The following TNRC6C variants were observed in gnomAD, a reference collection of about 807,000 sequenced individuals.
The protein encoded by TNRC6C is trinucleotide repeat containing adaptor 6C.
Under a neutral mutation model 153.7 loss-of-function variants are expected in TNRC6C, and 20 were observed. The ratio of observed to expected loss-of-function variants is 0.13; its 90% CI spans 0.09 to 0.19. The LOEUF (loss-of-function observed/expected upper bound fraction) is 0.19, where lower values mean the gene tolerates loss of function less well. TNRC6C is among the 10% of genes least tolerant of loss of function. The pLI is 1.00. For missense variants in TNRC6C, 1,987 were observed against 2,172.0 expected (o/e 0.91, Z 1.69); for synonymous variants, 811 against 841.4 (o/e 0.96, Z 0.63).
At chr17:78,086,981 A>G (rs574720431) in exon 13 of TNRC6C, 2 of 1,613,824 alleles carry the variant, frequency 1.2e-6, no homozygotes. Flanking sequence ...ACCCCTCTGC[A>G]GGCAAATCGG....
At chr17:78,099,697 C>T (rs763603959) in intron 17 of TNRC6C, among the ~76,000 whole-genome samples, 5 of 152,170 alleles carry the variant, frequency 3.3e-5, no homozygotes, top group Non-Finnish European at 7.4e-5. Context: ...CCATATCATT[C>T]TGCCCCTGAC....
At chr17:78,038,938 G>A (rs1294589662) in intron 2 of TNRC6C, among the ~76,000 whole-genome samples, 1 of 151,928 alleles carries the variant, frequency 6.6e-6, no homozygotes, top group Non-Finnish European at 1.5e-5. Flanking sequence ...AAAAGGCGAC[G>A]CTGGTGTGCT....
At chr17:77,986,035 C>T (rs2071162028) in intron 1 of TNRC6C, among the ~76,000 whole-genome samples, 1 of 152,060 alleles carries the variant, frequency 6.6e-6, no homozygotes, top group Admixed American at 6.6e-5. Context: ...TCAGGCAATC[C>T]ACAGGATATT....
At chr17:78,106,213 C>T (rs1463488246) in exon 20 of TNRC6C, 1 of 150,924 alleles carries the variant, frequency 6.6e-6, no homozygotes, top group Non-Finnish European at 1.5e-5. Flanking sequence ...ACCTTTTTTT[C>T]TCCTTCAGAC....
In TNRC6C at chr17:78,050,769, C is replaced by T. The variant is rs773543557; in HGVS notation, c.1707C>T (p.Pro569=). 8.1e-6 allele frequency: 13 copies of T among 1,603,112 alleles called. No homozygotes were observed. In the South Asian group the frequency reaches 1.1e-4, roughly 14 times the overall value. The change falls in exon 3 of 20, where the codon CCC becomes CCT. Residue 569 remains proline (P), a synonymous_variant. Coordinates refer to ENST00000301624, the Ensembl canonical transcript of TNRC6C. The stretch of plus-strand genomic sequence containing the variant: ...CCGCAAATCAGGAGGACAAGTCACC[C>T]ACCTGGGGTGAGCCTCCAAAGCCCA...
intron 1 of TNRC6C, among the ~76,000 whole-genome samples, chr17:77,997,719 C>T (rs936632955): frequency 2.6e-5 from 4 of 151,880 alleles, no homozygotes; most frequent in African/African-American, 4.8e-5. Flanking sequence ...TGCAGTGGCG[C>T]GATCTCAGCT....
intron 1 of TNRC6C, among the ~76,000 whole-genome samples, chr17:78,025,406 A>G (rs2071921754): frequency 6.6e-6 from 1 of 152,172 alleles, no homozygotes; most frequent in Non-Finnish European, 1.5e-5. Context: ...TAGTTCCTCT[A>G]TGTTTTCATG....
chr17:78,007,091 C>G (rs749265019), intron 1 of TNRC6C, among the ~76,000 whole-genome samples: 4 of 152,024 alleles, frequency 2.6e-5, no homozygotes, highest in East Asian at 3.9e-4. Context: ...GATTCCCCCC[C>G]ACCTCGGCCT....
rs965491827 is a variant in TNRC6C, at chr17:78,058,018, T to G, written c.2395+6561T>G. ...TCATTCTGGAGATAAAACAACAGTA[T>G]TAGTCCAGAGAAATATCCCTGTGCC... On this transcript the variant is annotated intron_variant, in intron 3 of 19. Coordinates refer to ENST00000301624, the Ensembl canonical transcript of TNRC6C. Among the ~76,000 whole-genome samples, 11 of 152,182 alleles carry G rather than the reference T, an allele frequency of 7.2e-5. No individual in the cohort carries two copies. In the South Asian group the frequency reaches 8.3e-4, roughly 11 times the overall value.
intron 3 of TNRC6C, among the ~76,000 whole-genome samples, chr17:78,063,117 G>T (rs1273666597): frequency 6.6e-6 from 1 of 151,768 alleles, no homozygotes; most frequent in Non-Finnish European, 1.5e-5. Flanking sequence ...ATGTTGTTGC[G>T]TGCCTGTAGT....
intron 2 of TNRC6C, among the ~76,000 whole-genome samples, chr17:78,037,320 A>G (rs542405932): frequency 6.6e-6 from 1 of 152,340 alleles, no homozygotes; most frequent in South Asian, 2.1e-4. Flanking sequence ...TGAGCAGAAC[A>G]TTTGTTGAAT....
chr17:77,988,908 C>G (rs2071210684), intron 1 of TNRC6C, among the ~76,000 whole-genome samples: 1 of 152,150 alleles, frequency 6.6e-6, no homozygotes, highest in African/African-American at 2.4e-5. Flanking sequence ...CTGCCATTTT[C>G]TAAAATGTAA....
chr17:78,092,006 A>G (rs2073403069), intron 14 of TNRC6C, among the ~76,000 whole-genome samples: 1 of 152,184 alleles, frequency 6.6e-6, no homozygotes, highest in South Asian at 2.1e-4. Context: ...ACTAGGGTGC[A>G]TTTCTGTTGG....
chr17:78,072,928 G>C (rs2073023281), intron 6 of TNRC6C, 109 bp from the exon 9 acceptor site: 2 of 739,526 alleles, frequency 2.7e-6, no homozygotes, highest in East Asian at 2.8e-5. Flanking sequence ...TGTATTTCCA[G>C]TTCCAAAACC....
At chr17:78,083,207 A>T in intron 11 of TNRC6C, 41 bp downstream of exon 13, 1 of 1,611,172 alleles carries the variant, frequency 6.2e-7, no homozygotes, top group South Asian at 1.1e-5. Flanking sequence ...ACGCAGGCCG[A>T]GTGCAGATGC....
intron 16 of TNRC6C, among the ~76,000 whole-genome samples, chr17:78,096,470 T>C (rs2073488533): frequency 6.6e-6 from 1 of 151,742 alleles, no homozygotes; most frequent in East Asian, 1.9e-4. Flanking sequence ...AAATGTTAAC[T>C]TGCCTCAGCT....
At position 78,049,759 on chromosome 17, in the gene TNRC6C, G is replaced by C. The variant is rs1464262654; in HGVS notation, c.697G>C (p.Val233Leu). 1.5e-5 allele frequency: 24 copies of C among 1,589,540 alleles called. No homozygotes were observed. The highest frequency in any genetic ancestry group is 4.0e-5 in the African/African-American group (3 of 74,550). The change falls in exon 3 of 20, where the codon GTT (valine) becomes CTT (leucine). Residue 233 changes from valine to leucine, a missense_variant. Val to Leu is a conservative substitution (Grantham distance 32). This residue lies in a region of TNRC6C where 1,052 missense variants were observed against 1,017.0 expected (regional missense o/e 1.03). Transcript: ENST00000301624. This position sits in a 1 kb window ranked among gnomAD's most constrained non-coding sequence, Gnocchi z 4.1. ...CCTTCCTGGTGCTAATGGATCATCA[G>C]TTTCTCAAGTCAGTGGGGGCAGTGC... is the stretch of plus-strand genomic sequence containing the variant.
intron 1 of TNRC6C, among the ~76,000 whole-genome samples, chr17:78,024,644 C>T (rs1015495172): frequency 6.6e-6 from 1 of 151,962 alleles, no homozygotes; most frequent in South Asian, 2.1e-4. Flanking sequence ...GGATTACAGG[C>T]GTGAGCCACC....
intron 1 of TNRC6C, among the ~76,000 whole-genome samples, chr17:77,974,230 T>G (rs1352003142): frequency 6.6e-6 from 1 of 152,114 alleles, no homozygotes; most frequent in African/African-American, 2.4e-5. Flanking sequence ...GTACCCAATT[T>G]TAAAATGGGC....
Sources: allele counts gnomAD v4.1 joint callset (sites outside exome capture counted in the v4.1 genomes callset), GRCh38; gene constraint gnomAD v4.1.1; regional missense constraint gnomAD v4.1.1; non-coding constraint Gnocchi (gnomAD v3.1); transcripts MANE v1.5; gene names NCBI Gene and HGNC (gene_info 2026-07-23, HGNC 2026-07-21).